HAUS8: variants seen among roughly 807,000 people sequenced by gnomAD.
HAUS8 encodes HAUS augmin like complex subunit 8.
In HAUS8, 38 loss-of-function variants were observed where a neutral mutation model predicts 42.9. The observed-to-expected ratio is 0.89, with a 90% CI of 0.68 to 1.16. HAUS8 has a LOEUF of 1.16. HAUS8 is among the 50% of genes most tolerant of loss of function. HAUS8 has a pLI of 0.00. For missense variants in HAUS8, 494 were observed against 511.6 expected (o/e 0.97, Z 0.33); for synonymous variants, 199 against 205.8 (o/e 0.97, Z 0.28).
intron 3 of HAUS8, among the ~76,000 whole-genome samples, chr19:17,064,597 G>A (rs1405140794): frequency 1.3e-5 from 2 of 152,178 alleles, no homozygotes; most frequent in African/African-American, 4.8e-5. Flanking sequence ...TGACAGAGAT[G>A]ATGAGAGAAT....
intron 3 of HAUS8, among the ~76,000 whole-genome samples, chr19:17,064,399 A>T (rs2123374824): frequency 6.6e-6 from 1 of 152,366 alleles, no homozygotes; most frequent in Admixed American, 6.5e-5. Flanking sequence ...TGGAAAGCCA[A>T]AGGAACGAGA....
intron 5 of HAUS8, 75 bp from the exon 6 acceptor site, chr19:17,059,726 T>G: frequency 1.0e-6 from 1 of 954,628 alleles, no homozygotes; most frequent in East Asian, 2.4e-5. Context: ...TTTTTTCTAA[T>G]GATGGGTTTA....
At position 17,056,512 on chromosome 19, in the gene HAUS8, C is replaced by T. The variant is rs369666092; in HGVS notation, c.646-510G>A. 6.6e-5 allele frequency among the ~76,000 whole-genome samples: 10 copies of T among 152,226 alleles called. No individual in the cohort carries two copies. In the South Asian group the frequency reaches 2.1e-3, roughly 32 times the overall value. ...TTACTGATAGTAAACATTCAATAAA[C>T]ATGTAAATAGATTAGCATCTATATA... On this transcript the variant is annotated intron_variant, in intron 8 of 10. Transcript: ENST00000253669.
In HAUS8 at chr19:17,062,553, C is replaced by T. The variant is rs115239930; in HGVS notation, c.229+145G>A. ...TCCCCACTCACCTCCCCACATCCCC[C>T]CAGTCTGTCCTTATGCTCCAACTCT... On this transcript the variant is annotated intron_variant, in intron 4 of 10. Coordinates refer to ENST00000253669, the MANE Select transcript of HAUS8 (RefSeq NM_033417.2). 282 of 647,818 alleles carry T rather than the reference C, an allele frequency of 4.4e-4. No individual in the cohort carries two copies. In the African/African-American group the frequency reaches 4.4e-3, roughly 10 times the overall value. 40.1% of individuals were successfully genotyped at this position (647,818 alleles called of 1,614,324 possible).
At chr19:17,075,464 A>G (rs1288532492), upstream of HAUS8, 2 of 1,611,636 alleles carry the variant, frequency 1.2e-6, no homozygotes, top group East Asian at 4.5e-5. Flanking sequence ...CCGGCTTTTC[A>G]AAGCCGGACC....
intron 3 of HAUS8, among the ~76,000 whole-genome samples, chr19:17,067,118 T>C (rs2123378027): frequency 6.8e-6 from 1 of 148,120 alleles, no homozygotes; most frequent in Non-Finnish European, 1.5e-5. Context: ...GGAAGGAGAA[T>C]GGCTTGAATC....
chr19:17,062,711 G>A lies in HAUS8; in HGVS notation c.216C>T (p.Leu72=). ...MSEGGRKSSL[L]QKSKADSSGV... ...GCTGTTTCGCACCTTTGCTTTTCTG[G>A]AGCAGGCTGGATTTCCTTCCACCTT... The change falls in exon 4 of 11, where the codon CTC becomes CTT. Residue 72 remains leucine (L), a synonymous_variant. Transcript: ENST00000253669. The A allele has an allele frequency of 1.2e-6, 2 of 1,614,062 alleles. No individual in the cohort carries two copies. Among genetic ancestry groups the A allele is most frequent in the South Asian group, 1.1e-5 (1 of 91,062 alleles).
chr19:17,057,890 C>T (rs2057335983), intron 8 of HAUS8, among the ~76,000 whole-genome samples: 1 of 152,186 alleles, frequency 6.6e-6, no homozygotes, highest in Non-Finnish European at 1.5e-5. Context: ...GGGACACAGA[C>T]ACACACAGCA....
At position 17,073,301 on chromosome 19, in the gene HAUS8, C is replaced by A; in HGVS notation, c.64G>T (p.Ala22Ser). Residue 22 changes from alanine (A) to serine (S), a missense_variant, in exon 2 of 11, where the codon GCC (alanine) becomes TCC (serine). Physicochemically the swap from Ala to Ser is moderately conservative, Grantham distance 99. Coordinates refer to ENST00000253669, the MANE Select transcript of HAUS8 (RefSeq NM_033417.2). ...TGAACTCTTTTATCCTTCTTCTTGG[C>A]ACTGCTAGAATTTGTGGGGCCGGTT... is the stretch of plus-strand genomic sequence containing the variant. ...PATGPTNSSS[A>S]KKKDKRVQGG... 1 of 1,614,082 alleles carries A rather than the reference C, an allele frequency of 6.2e-7. No individual in the cohort carries two copies. The highest frequency in any genetic ancestry group is 8.5e-7 in the Non-Finnish European group (1 of 1,179,962).
chr19:17,066,944 C>T (rs1187377171), intron 3 of HAUS8, among the ~76,000 whole-genome samples: 3 of 152,158 alleles, frequency 2.0e-5, no homozygotes, highest in Admixed American at 6.5e-5. Context: ...GCGGCTCATG[C>T]CTGTAATCCC....
At chr19:17,071,398 C>A (rs928780299) in intron 2 of HAUS8, among the ~76,000 whole-genome samples, 13 of 152,106 alleles carry the variant, frequency 8.5e-5, no homozygotes, top group African/African-American at 3.1e-4. Context: ...CAGGTGGGTG[C>A]CCGGCAGATG....
chr19:17,053,094 AG>A, intron 9 of HAUS8, 128 bp from the exon 10 acceptor site: 1 of 1,089,306 alleles, frequency 9.2e-7, no homozygotes, highest in Non-Finnish European at 1.3e-6. Flanking sequence ...GAGAGCGCAC[AG>A]GGAAGAAGCA....
At chr19:17,066,940 C>G (rs2057390390) in intron 3 of HAUS8, among the ~76,000 whole-genome samples, 1 of 152,192 alleles carries the variant, frequency 6.6e-6, no homozygotes, top group Non-Finnish European at 1.5e-5. Context: ...CATGGCGGCT[C>G]ATGCCTGTAA....
At chr19:17,065,766 G>T (rs1417293288) in intron 3 of HAUS8, among the ~76,000 whole-genome samples, 4 of 151,438 alleles carry the variant, frequency 2.6e-5, no homozygotes, top group Non-Finnish European at 2.9e-5. Flanking sequence ...AGAGGTTGCA[G>T]TGAGCCAAGA....
chr19:17,049,987 AC>A lies in HAUS8; in HGVS notation c.1118del (p.Gly373ValfsTer57), dbSNP rs781401704. ...NTPLSEDDNP[G>X]ASSAPAQATF... ...TGGCCTGAGCGGGGGCTGACGAGGC[AC>A]CCGGGTTGTCGTCCTCAGACAGGGG... On this transcript the variant is annotated frameshift_variant, in exon 11 of 11. Transcript: ENST00000253669. LOFTEE classifies it low-confidence loss of function (END_TRUNC). 5 of 1,601,248 alleles carry A rather than the reference AC, an allele frequency of 3.1e-6. No homozygotes were observed. In the South Asian group the frequency reaches 5.6e-5, roughly 18 times the overall value.
At chr19:17,069,126 G>A in intron 2 of HAUS8, 40 bp from the exon 3 acceptor site, 1 of 1,584,590 alleles carries the variant, frequency 6.3e-7, no homozygotes, top group Non-Finnish European at 8.6e-7. Context: ...AAACTACAAA[G>A]GACCGAAGAC....
At chr19:17,071,647 G>T (rs745378302) in intron 2 of HAUS8, among the ~76,000 whole-genome samples, 1 of 152,156 alleles carries the variant, frequency 6.6e-6, no homozygotes. Flanking sequence ...TGCCTTGGAC[G>T]GTGGGGAAAC....
chr19:17,053,693 T>TG (rs1219252598), intron 9 of HAUS8: 1 of 151,204 alleles, frequency 6.6e-6, no homozygotes, highest in Non-Finnish European at 1.5e-5. Flanking sequence ...GACAGAGTCT[T>TG]GCTCTGTCAC....
In HAUS8 at chr19:17,055,934, C is replaced by T. The variant is rs374520733; in HGVS notation, c.714G>A (p.Thr238=). The T allele has an allele frequency of 1.3e-5, 21 of 1,614,028 alleles. No individual in the cohort carries two copies. Among genetic ancestry groups the T allele is most frequent in the Admixed American group, 1.7e-5 (1 of 60,004 alleles). Residue 238 remains threonine, a synonymous_variant, in exon 9 of 11, where the codon ACG becomes ACA. Transcript: ENST00000253669. ...GCTCGTGCCTGGTAGTGTCCAGGGC[C>T]GTGGCGAATGTCCTGTATTGCTCCT... The part of the protein sequence containing the change: ...RFKEQYRTFA[T]ALDTTRHELP...
Sources: allele counts gnomAD v4.1 joint callset (sites outside exome capture counted in the v4.1 genomes callset), GRCh38; gene constraint gnomAD v4.1.1; transcripts MANE v1.5; gene names NCBI Gene and HGNC (gene_info 2026-07-23, HGNC 2026-07-21).